Variants in PARD3 observed in about 807,000 individuals in gnomAD.
The protein encoded by PARD3 is partitioning defective 3 homolog.
PARD3 carries 75 observed loss-of-function variants against 155.4 expected under a neutral mutation model. That is an observed-to-expected ratio of 0.48 (90% CI 0.40 to 0.58). The LOEUF (loss-of-function observed/expected upper bound fraction) is 0.58. Ranked by LOEUF, PARD3 falls within the 20% of genes least tolerant of loss-of-function variation. The pLI is 0.00. For missense variants in PARD3, 1,642 were observed against 1,721.7 expected, an observed-to-expected ratio of 0.95 and a Z score of 0.82; for synonymous variants, 576 against 610.5, an observed-to-expected ratio of 0.94 and a Z score of 0.83.
At chr10:34,602,543 G>C (rs1215143970) in intron 2 of PARD3, among the ~76,000 whole-genome samples, 1 of 152,134 alleles carries the variant, frequency 6.6e-6, no homozygotes, top group African/African-American at 2.4e-5. Context: ...ATCAGCACTA[G>C]AATGGAGTAA....
At chr10:34,310,934 T>C (rs995032748) in intron 20 of PARD3, among the ~76,000 whole-genome samples, 1 of 152,244 alleles carries the variant, frequency 6.6e-6, no homozygotes, top group Non-Finnish European at 1.5e-5. Flanking sequence ...GTGTTTCATT[T>C]GGAGAAGCAT....
At chr10:34,224,380 C>T (rs1440430220) in intron 22 of PARD3, among the ~76,000 whole-genome samples, 1 of 152,200 alleles carries the variant, frequency 6.6e-6, no homozygotes, top group African/African-American at 2.4e-5. Flanking sequence ...TTTAAGCATA[C>T]TGAAACTCCC....
At chr10:34,740,152 T>G (rs143013182) in intron 1 of PARD3, among the ~76,000 whole-genome samples, 1 of 152,144 alleles carries the variant, frequency 6.6e-6, no homozygotes, top group Non-Finnish European at 1.5e-5. Context: ...CTGAAACCAC[T>G]TCAAGACGAA....
At chr10:34,493,823 AC>A (rs1043872393) in intron 3 of PARD3, among the ~76,000 whole-genome samples, 1 of 152,188 alleles carries the variant, frequency 6.6e-6, no homozygotes, top group African/African-American at 2.4e-5. Flanking sequence ...AAAAATCTTC[AC>A]GTTCGAATTA....
At chr10:34,523,874 A>G (rs1194799926) in intron 2 of PARD3, among the ~76,000 whole-genome samples, 1 of 152,216 alleles carries the variant, frequency 6.6e-6, no homozygotes, top group Non-Finnish European at 1.5e-5. Flanking sequence ...TAGTTTATAA[A>G]TTATAGATTT....
intron 1 of PARD3, among the ~76,000 whole-genome samples, chr10:34,756,149 C>CT (rs1836695519): frequency 1.0e-5 from 1 of 96,154 alleles, no homozygotes; most frequent in South Asian, 3.5e-4. Context: ...AAAAAATGCA[C>CT]CTTTTTTTTT....
chr10:34,198,433 C>A (rs778155679), intron 22 of PARD3, among the ~76,000 whole-genome samples: 1 of 149,074 alleles, frequency 6.7e-6, no homozygotes, highest in Non-Finnish European at 1.5e-5. Flanking sequence ...CATAAGAATG[C>A]CTATCTGAAA....
intron 2 of PARD3, among the ~76,000 whole-genome samples, chr10:34,525,392 G>T (rs894055731): frequency 3.9e-5 from 6 of 152,194 alleles, no homozygotes; most frequent in Non-Finnish European, 7.3e-5. Context: ...GCAAAGTGTG[G>T]ATAGACTTTC....
chr10:34,143,041 G>C (rs1948276306), intron 22 of PARD3, among the ~76,000 whole-genome samples: 1 of 152,158 alleles, frequency 6.6e-6, no homozygotes, highest in African/African-American at 2.4e-5. Context: ...TGAAATAAAG[G>C]CTGGGGGCGG....
At chr10:34,442,863 C>T (rs2076538682) in intron 5 of PARD3, among the ~76,000 whole-genome samples, 1 of 152,156 alleles carries the variant, frequency 6.6e-6, no homozygotes, top group African/African-American at 2.4e-5. Flanking sequence ...AGAGCAAGAA[C>T]CCAGCCTCTT....
At chr10:34,753,505 C>T (rs145717070) in intron 1 of PARD3, among the ~76,000 whole-genome samples, 167 of 152,374 alleles carry the variant, frequency 1.1e-3, no homozygotes, top group African/African-American at 3.7e-3. Context: ...GACCTTGCCA[C>T]ATGGACAACA....
chr10:34,806,982 T>A (rs919762479), intron 1 of PARD3, among the ~76,000 whole-genome samples: 3 of 152,176 alleles, frequency 2.0e-5, no homozygotes, highest in Admixed American at 2.0e-4. Context: ...CAAAGCCAAA[T>A]GCTGGAAAGG....
intron 1 of PARD3, among the ~76,000 whole-genome samples, chr10:34,718,913 AG>A (rs2094562356): frequency 2.0e-5 from 3 of 152,282 alleles, no homozygotes; most frequent in African/African-American, 7.2e-5. Context: ...CAGTGAGCCG[AG>A]ATTGAGCCAC....
chr10:34,265,580 T>C (rs533157249), intron 22 of PARD3, among the ~76,000 whole-genome samples: 3 of 152,246 alleles, frequency 2.0e-5, no homozygotes, highest in African/African-American at 7.2e-5. Flanking sequence ...TGGTGGAATT[T>C]AGTCAGTTGA....
intron 2 of PARD3, among the ~76,000 whole-genome samples, chr10:34,654,170 T>TAA (rs74707143): frequency 4.4e-4 from 54 of 122,340 alleles, no homozygotes; most frequent in East Asian, 1.2e-3. Flanking sequence ...AGTAAAACTG[T>TAA]AAAAAAAAAA....
At chr10:34,135,926 A>C (rs1192496238) in intron 22 of PARD3, among the ~76,000 whole-genome samples, 1 of 152,246 alleles carries the variant, frequency 6.6e-6, no homozygotes, top group Non-Finnish European at 1.5e-5. Context: ...TGCAGTTAGT[A>C]GACTACTGCC....
intron 22 of PARD3, among the ~76,000 whole-genome samples, chr10:34,160,920 G>A (rs1285715899): frequency 1.3e-5 from 2 of 152,150 alleles, no homozygotes; most frequent in Admixed American, 6.5e-5. Context: ...ATGAGGTTAA[G>A]TTTTAGGCCA....
intron 22 of PARD3, among the ~76,000 whole-genome samples, chr10:34,247,946 C>T (rs1420662638): frequency 6.6e-6 from 1 of 152,188 alleles, no homozygotes; most frequent in Non-Finnish European, 1.5e-5. Flanking sequence ...GTGACCTGTG[C>T]TTTGTACTGA....
intron 22 of PARD3, among the ~76,000 whole-genome samples, chr10:34,210,593 T>C (rs550439728): frequency 1.3e-5 from 2 of 152,150 alleles, no homozygotes; most frequent in Non-Finnish European, 2.9e-5. Context: ...CTCTCCTGAT[T>C]GACATAGTAG....
Sources: allele counts gnomAD v4.1 joint callset (sites outside exome capture counted in the v4.1 genomes callset), GRCh38; gene constraint gnomAD v4.1.1; transcripts MANE v1.5; gene names NCBI Gene and HGNC (gene_info 2026-07-23, HGNC 2026-07-21).